The following PGPEP1 variants were observed in gnomAD, a reference collection of about 807,000 sequenced individuals.
PGPEP1 encodes the protein pyroglutamyl-peptidase 1.
A neutral mutation model predicts 24.1 loss-of-function variants in PGPEP1; 15 were observed. The ratio of observed to expected loss-of-function variants is 0.62; its 90% CI spans 0.42 to 0.96. PGPEP1 has a LOEUF of 0.96. Among genes scored for constraint, PGPEP1 ranks in the 40% least tolerant of loss-of-function variants. PGPEP1 has a pLI of 0.00. For synonymous variants in PGPEP1, 122 were observed against 116.4 expected, an observed-to-expected ratio of 1.05 and a Z score of -0.31; for missense variants, 242 against 273.4, an observed-to-expected ratio of 0.89 and a Z score of 0.81.
At chr19:18,345,253 C>T (rs1343003816) in intron 2 of PGPEP1, among the ~76,000 whole-genome samples, 11 of 152,050 alleles carry the variant, frequency 7.2e-5, no homozygotes, top group African/African-American at 2.2e-4. Flanking sequence ...CCGCCCGCCT[C>T]GGCCTCCCAA....
In PGPEP1 at chr19:18,357,627, TG is replaced by T; in HGVS notation, c.437+16del. 1.3e-6 allele frequency: 2 copies of T among 1,575,890 alleles called. No homozygotes were observed. Among genetic ancestry groups the T allele is most frequent in the Non-Finnish European group, 1.7e-6 (2 of 1,156,582 alleles). ...CAGGATGCCGGCAGGTAGGGCCCTG[TG>T]GGGTGGGAGTGAGTGGGGATTTCCC... On this transcript the variant is annotated intron_variant, in intron 4 of 4. Coordinates refer to ENST00000269919, the MANE Select transcript of PGPEP1 (RefSeq NM_017712.4).
chr19:18,340,606 G>T lies in PGPEP1; in HGVS notation c.-76G>T, dbSNP rs1970638399. On this transcript the variant is annotated 5_prime_UTR_variant, in exon 1 of 5. Transcript: ENST00000269919. ...CTTGACAGGGGCGTGGCCTCGCGCG[G>T]CCGAGAGGCTGCAGCGGCAGCAGCT... 7.2e-6 allele frequency: 10 copies of T among 1,389,966 alleles called. No individual in the cohort carries two copies. In the South Asian group the frequency reaches 1.3e-4, roughly 18 times the overall value. The allele number at this position is 1,389,966 out of a possible 1,614,324, so 86.1% of individuals were successfully genotyped here. A position where few individuals can be genotyped will look rare whatever the true frequency, so the allele number is the denominator to read the frequency against.
intron 1 of PGPEP1, 128 bp from the exon 2 acceptor site, chr19:18,342,731 A>G (rs1358075760): frequency 1.4e-6 from 1 of 713,918 alleles, no homozygotes; most frequent in Non-Finnish European, 2.5e-6. Context: ...CCAGGCCCCC[A>G]ATGTTGTCCT....
At chr19:18,358,418 G>A (rs1048595423) in intron 4 of PGPEP1, among the ~76,000 whole-genome samples, 2 of 150,920 alleles carry the variant, frequency 1.3e-5, no homozygotes, top group African/African-American at 4.9e-5. Flanking sequence ...GCACCACCAC[G>A]CCCGGATAAT....
rs548615346 is a variant in PGPEP1 at position 18,358,835 on chromosome 19, C to T, written c.437+1220C>T. On this transcript the variant is annotated intron_variant, in intron 4 of 4. Coordinates refer to ENST00000269919, the MANE Select transcript of PGPEP1 (RefSeq NM_017712.4). The stretch of plus-strand genomic sequence containing the variant: ...TTCACCATGTTGGTCAGGCTGGTCT[C>T]GAACTCCCGATCTCAGGTGATCCAC... Among the ~76,000 whole-genome samples, 10 of 151,988 alleles carry T rather than the reference C, an allele frequency of 6.6e-5. No individual in the cohort carries two copies. In the East Asian group the frequency reaches 1.2e-3, roughly 18 times the overall value.
chr19:18,345,122 TC>T (rs1424343627), intron 2 of PGPEP1, among the ~76,000 whole-genome samples: 4 of 151,938 alleles, frequency 2.6e-5, no homozygotes, highest in African/African-American at 9.7e-5. Context: ...TGCCTCAGCC[TC>T]CCTTAGTAGC....
intron 2 of PGPEP1, among the ~76,000 whole-genome samples, chr19:18,350,186 A>C (rs1970979568): frequency 6.6e-6 from 1 of 151,920 alleles, no homozygotes; most frequent in Non-Finnish European, 1.5e-5. Context: ...ACGCCTGGCT[A>C]ATTTTTTTGT....
intron 2 of PGPEP1, among the ~76,000 whole-genome samples, chr19:18,353,925 G>A (rs1402968288): frequency 6.6e-6 from 1 of 152,090 alleles, no homozygotes; most frequent in Non-Finnish European, 1.5e-5. Flanking sequence ...TTTGGCTTTT[G>A]TGAATACTAG....
At chr19:18,363,068 T>TGTGTGTGTG (rs60619670) in intron 4 of PGPEP1, among the ~76,000 whole-genome samples, 23 of 146,662 alleles carry the variant, frequency 1.6e-4, no homozygotes, top group East Asian at 7.8e-4. Flanking sequence ...TGTGTGTGTG[T>TGTGTGTGTG]TTTAAAGAGA....
In PGPEP1 at chr19:18,367,430, C is replaced by T. The variant is rs761746370; in HGVS notation, c.*3847C>T. The stretch of plus-strand genomic sequence containing the variant: ...TGAGTCCTCATGGAGGGTGCTGAGG[C>T]AGGGAACAGGGGTGCAGGGACAGTG... On this transcript the variant is annotated 3_prime_UTR_variant, in exon 5 of 5. Transcript: ENST00000269919. 2.0e-5 allele frequency: 3 copies of T among 151,872 alleles called. No homozygotes were observed. The highest frequency in any genetic ancestry group is 4.4e-5 in the Non-Finnish European group (3 of 68,056). 9.4% of individuals were successfully genotyped at this position (151,872 alleles called of 1,614,324 possible).
At chr19:18,354,961 CTTTTTTTTTTT>C (rs761843314) in intron 2 of PGPEP1, among the ~76,000 whole-genome samples, 2 of 94,732 alleles carry the variant, frequency 2.1e-5, no homozygotes, top group African/African-American at 9.0e-5. Flanking sequence ...TAAGTCGATA[CTTTTTTTTTTT>C]TTTTTTTTTT....
chr19:18,348,509 G>C (rs11881039), intron 2 of PGPEP1, among the ~76,000 whole-genome samples: 43,696 of 151,940 alleles, frequency 0.29, 6,881 homozygotes, highest in African/African-American at 0.35. Flanking sequence ...CGGGTGTGCT[G>C]CTGGCAAAGT....
intron 2 of PGPEP1, among the ~76,000 whole-genome samples, chr19:18,349,915 A>T (rs1307437601): frequency 6.6e-6 from 1 of 151,814 alleles, no homozygotes; most frequent in East Asian, 1.9e-4. Context: ...TTTTTTCGAG[A>T]TGGGGTCTCA....
chr19:18,344,638 G>A (rs1369174722), intron 2 of PGPEP1, among the ~76,000 whole-genome samples: 6 of 150,558 alleles, frequency 4.0e-5, no homozygotes, highest in Non-Finnish European at 5.9e-5. Flanking sequence ...ATGGAGGGAC[G>A]GGGTCCCGGG....
intron 1 of PGPEP1, among the ~76,000 whole-genome samples, chr19:18,341,157 C>T (rs1970661012): frequency 6.6e-6 from 1 of 152,122 alleles, no homozygotes; most frequent in African/African-American, 2.4e-5. Flanking sequence ...AGGAAGTGTC[C>T]CAGTGACAAA....
At position 18,368,344 on chromosome 19, in the gene PGPEP1, CAGG is replaced by C. The variant is rs1161623075; in HGVS notation, c.*4764_*4766del. 6.7e-6 allele frequency: 1 copy of C among 149,996 alleles called. No homozygotes were observed. Among genetic ancestry groups the C allele is most frequent in the East Asian group, 2.0e-4 (1 of 5,110 alleles). 9.3% of individuals were successfully genotyped at this position (149,996 alleles called of 1,614,324 possible). On this transcript the variant is annotated 3_prime_UTR_variant, in exon 5 of 5. Transcript: ENST00000269919. ...ATCCCAGCTACCTGGGAGGCTGAGA[CAGG>C]AGAATTGCTTGAACCTGGGAGGCAG...
At chr19:18,345,249 G>A (rs181206063) in intron 2 of PGPEP1, among the ~76,000 whole-genome samples, 1 of 151,978 alleles carries the variant, frequency 6.6e-6, no homozygotes, top group Admixed American at 6.6e-5. Context: ...GGATCCGCCC[G>A]CCTCGGCCTC....
At chr19:18,343,003 C>A in intron 2 of PGPEP1, 92 bp downstream of exon 2, 1 of 736,950 alleles carries the variant, frequency 1.4e-6, no homozygotes, top group Non-Finnish European at 2.3e-6. Context: ...TTAACAAAAA[C>A]TTTTTTTTTT....
At position 18,352,492 on chromosome 19, in the gene PGPEP1, G is replaced by A. The variant is rs147652274; in HGVS notation, c.88-3403G>A. 3.3e-3 allele frequency among the ~76,000 whole-genome samples: 494 copies of A among 151,610 alleles called. 1 individual carries two copies. Among genetic ancestry groups the A allele is most frequent in the Admixed American group, 9.5e-3 (144 of 15,184 alleles). ...ATGTGTGCCCTGTCACCTCTGTGGT[G>A]TGAAGATGGGAATTAGTGTAGGTTT... On this transcript the variant is annotated intron_variant, in intron 2 of 4. Transcript: ENST00000269919.
Sources: allele counts gnomAD v4.1 joint callset (sites outside exome capture counted in the v4.1 genomes callset), GRCh38; gene constraint gnomAD v4.1.1; transcripts MANE v1.5; gene names NCBI Gene and HGNC (gene_info 2026-07-23, HGNC 2026-07-21).